Variants in IL23R observed in about 807,000 individuals in gnomAD.
IL23R encodes interleukin 23 receptor.
In IL23R, 34 loss-of-function variants were observed where a neutral mutation model predicts 56.9. The ratio of observed to expected loss-of-function variants is 0.60; its 90% CI spans 0.45 to 0.80. The LOEUF is 0.80. Among genes scored for constraint, IL23R ranks in the 30% least tolerant of loss-of-function variants. The probability of loss-of-function intolerance (pLI) is 0.00; values close to 1 mark genes in which losing one functional copy is unlikely to be tolerated. For missense variants in IL23R, 635 were observed against 730.0 expected, an observed-to-expected ratio of 0.87 and a Z score of 1.50; for synonymous variants, 230 against 249.2, an observed-to-expected ratio of 0.92 and a Z score of 0.73.
chr1:67,228,061 C>T (rs1480111757), intron 7 of IL23R, among the ~76,000 whole-genome samples: 1 of 104,132 alleles, frequency 9.6e-6, no homozygotes, highest in Non-Finnish European at 1.9e-5. Flanking sequence ...TTCTTTCTTT[C>T]TCTGTCTCTC....
chr1:67,163,391 C>T (rs1646839741), upstream of IL23R, among the ~76,000 whole-genome samples: 1 of 130,830 alleles, frequency 7.6e-6, no homozygotes, highest in South Asian at 2.6e-4. Flanking sequence ...ATCACTTGAA[C>T]CCAGGAGGCA....
intron 1 of IL23R, among the ~76,000 whole-genome samples, chr1:67,157,883 G>A (rs1415125773): frequency 6.6e-6 from 1 of 152,188 alleles, no homozygotes; most frequent in Non-Finnish European, 1.5e-5. Flanking sequence ...TTTATCCTCA[G>A]TGCTAGAATA....
chr1:67,177,778 C>G (rs1316290825), intron 3 of IL23R, among the ~76,000 whole-genome samples: 1 of 151,140 alleles, frequency 6.6e-6, no homozygotes, highest in Non-Finnish European at 1.5e-5. Context: ...TTGAATCCAT[C>G]TTGAGTTAAT....
At chr1:67,140,299 A>C (rs1321929496) in intron 1 of IL23R, among the ~76,000 whole-genome samples, 1 of 152,212 alleles carries the variant, frequency 6.6e-6, no homozygotes, top group Non-Finnish European at 1.5e-5. Flanking sequence ...AAAAAAAGTC[A>C]TTAAAAATGT....
intron 9 of IL23R, among the ~76,000 whole-genome samples, chr1:67,240,901 TG>T (rs2100330874): frequency 6.6e-6 from 1 of 152,316 alleles, no homozygotes; most frequent in East Asian, 1.9e-4. Context: ...GGATAGGTTA[TG>T]GATTGGCATT....
At chr1:67,230,128 C>G (rs1219261827) in intron 7 of IL23R, among the ~76,000 whole-genome samples, 1 of 152,202 alleles carries the variant, frequency 6.6e-6, no homozygotes, top group Admixed American at 6.5e-5. Context: ...TCACTGTACC[C>G]TGGATACAGC....
intron 3 of IL23R, among the ~76,000 whole-genome samples, chr1:67,178,189 A>G (rs1485593924): frequency 6.6e-6 from 1 of 151,980 alleles, no homozygotes; most frequent in African/African-American, 2.4e-5. Flanking sequence ...ATGGCATTGA[A>G]TCTATAAATT....
Position 67,246,258 on chromosome 1 carries a change from C to T in IL23R, c.1148+5977C>T, listed in dbSNP as rs963822661. On this transcript the variant is annotated intron_variant, in intron 9 of 10. Transcript: ENST00000347310. The stretch of plus-strand genomic sequence containing the variant: ...CTATTTTGTTGATCTTTTCAAAAAA[C>T]CAGCTCCTGGATTCATTGATTTTTT... Among the ~76,000 whole-genome samples, 17 of 152,116 alleles carry T rather than the reference C, an allele frequency of 1.1e-4. 1 individual carries two copies. The highest frequency in any genetic ancestry group is 2.4e-4 in the Non-Finnish European group (16 of 68,006).
At chr1:67,222,460 T>A (rs1650349764) in intron 7 of IL23R, among the ~76,000 whole-genome samples, 1 of 152,208 alleles carries the variant, frequency 6.6e-6, no homozygotes, top group African/African-American at 2.4e-5. Flanking sequence ...AAAAGTTAGT[T>A]TTTAATTGAA....
chr1:67,213,470 A>G (rs1343334142), intron 6 of IL23R, among the ~76,000 whole-genome samples: 1 of 152,214 alleles, frequency 6.6e-6, no homozygotes, highest in African/African-American at 2.4e-5. Context: ...TGAAGTATCT[A>G]AGGGAATTAG....
intron 3 of IL23R, among the ~76,000 whole-genome samples, chr1:67,172,971 C>A (rs551731847): frequency 1.3e-4 from 20 of 152,092 alleles, no homozygotes; most frequent in Non-Finnish European, 2.6e-4. Flanking sequence ...GAGGAAATCA[C>A]GGACTGTTTT....
intron 2 of IL23R, among the ~76,000 whole-genome samples, chr1:67,168,535 C>A (rs932847169): frequency 2.4e-4 from 36 of 152,136 alleles, no homozygotes; most frequent in Non-Finnish European, 5.9e-5. Context: ...ATTTCACAAA[C>A]CACTTGTTGA....
chr1:67,218,980 A>T (rs1558249657), intron 6 of IL23R, among the ~76,000 whole-genome samples: 1 of 151,418 alleles, frequency 6.6e-6, no homozygotes, highest in Non-Finnish European at 1.5e-5. Flanking sequence ...CATATAAATA[A>T]ATAAATATAT....
At position 67,259,126 on chromosome 1, in the gene IL23R, T is replaced by C. The variant is rs774016883; in HGVS notation, c.1888T>C (p.Ter630GlnextTer25). Residue 630 changes from the stop codon to glutamine, a stop_lost, in exon 11 of 11, where the codon TAG becomes CAG. Coordinates refer to ENST00000347310, the MANE Select transcript of IL23R (RefSeq NM_144701.3). ...HFNRISLLEK* is the reference protein window; with the variant it reads ...HFNRISLLEKQ The stretch of plus-strand genomic sequence containing the variant: ...CAATAGGATTTCACTCTTGGAAAAG[T>C]AGAGCTGTGTGGTCAAAATCAATAT... 5.6e-6 allele frequency: 9 copies of C among 1,613,786 alleles called. No individual in the cohort carries two copies. The highest frequency in any genetic ancestry group is 6.8e-6 in the Non-Finnish European group (8 of 1,179,820).
rs183556598 is a variant in IL23R at position 67,237,271 on chromosome 1, C to A, written c.1045+469C>A. Among the ~76,000 whole-genome samples the A allele has an allele frequency of 2.0e-5, 3 of 152,228 alleles. 1 individual carries two copies. In the East Asian group the frequency reaches 5.8e-4, roughly 29 times the overall value. On this transcript the variant is annotated intron_variant, in intron 8 of 10. Transcript: ENST00000347310. ...AGCCAGACTGGTCTTGAACTCCTGACCTCAGGTGATCCACCCACCTCAGCC... is the reference window on the plus strand; with the variant it reads ...AGCCAGACTGGTCTTGAACTCCTGAACTCAGGTGATCCACCCACCTCAGCC...
At chr1:67,156,960 G>C (rs558060930) in intron 1 of IL23R, among the ~76,000 whole-genome samples, 1 of 152,152 alleles carries the variant, frequency 6.6e-6, no homozygotes, top group South Asian at 2.1e-4. Flanking sequence ...GGAATCTCCT[G>C]ATCTGTGGAT....
At chr1:67,202,278 T>C (rs1482928259) in intron 5 of IL23R, among the ~76,000 whole-genome samples, 2 of 152,254 alleles carry the variant, frequency 1.3e-5, no homozygotes, top group Non-Finnish European at 2.9e-5. Context: ...CTCGGCTCAC[T>C]GCATCCTCTG....
chr1:67,252,944 C>T (rs996676266), intron 9 of IL23R, among the ~76,000 whole-genome samples: 4 of 152,170 alleles, frequency 2.6e-5, no homozygotes, highest in Admixed American at 6.5e-5. Context: ...GAAGTATGGT[C>T]CACTGGGATT....
chr1:67,254,768 A>G (rs569926317), intron 9 of IL23R, among the ~76,000 whole-genome samples: 1 of 152,292 alleles, frequency 6.6e-6, no homozygotes, highest in East Asian at 1.9e-4. Context: ...AGTCTCTTCT[A>G]AGTTCTTGGT....
Sources: allele counts gnomAD v4.1 joint callset (sites outside exome capture counted in the v4.1 genomes callset), GRCh38; gene constraint gnomAD v4.1.1; transcripts MANE v1.5; gene names NCBI Gene and HGNC (gene_info 2026-07-23, HGNC 2026-07-21).